SACM1L: variants seen among roughly 807,000 people sequenced by gnomAD.
SACM1L encodes SAC1 like phosphatidylinositide phosphatase.
SACM1L carries 32 observed loss-of-function variants against 89.5 expected under a neutral mutation model. The observed-to-expected ratio is 0.36, with a 90% confidence interval of 0.27 to 0.48. The LOEUF (loss-of-function observed/expected upper bound fraction) is 0.48, where lower values mean the gene tolerates loss of function less well. SACM1L is among the 20% of genes least tolerant of loss of function. SACM1L has a pLI of 0.99. For synonymous variants in SACM1L, 213 were observed against 232.8 expected, an observed-to-expected ratio of 0.92 and a Z score of 0.77; for missense variants, 543 against 708.5, an observed-to-expected ratio of 0.77 and a Z score of 2.65.
intron 1 of SACM1L, among the ~76,000 whole-genome samples, chr3:45,693,311 C>T (rs1432702686): frequency 2.0e-5 from 3 of 152,174 alleles, no homozygotes; most frequent in African/African-American, 4.8e-5. Flanking sequence ...CTCTAGTCCT[C>T]CTCAGTACCT....
At chr3:45,724,422 A>G (rs763034898) in intron 11 of SACM1L, among the ~76,000 whole-genome samples, 22 of 151,860 alleles carry the variant, frequency 1.4e-4, no homozygotes, top group Non-Finnish European at 2.9e-5. Flanking sequence ...GCATCTTTGC[A>G]TGTGCTCATT....
rs151325040 is a variant in SACM1L at position 45,709,543 on chromosome 3, A to G, written c.379A>G (p.Asn127Asp). ...CCTAGCGATGCTAAACCATGTCTTG[A>G]ATGTGGATGGATTTTACTTTTCAAC... Reference protein sequence around the residue: ...TFLAMLNHVLNVDGFYFSTTY... With the variant: ...TFLAMLNHVLDVDGFYFSTTY... Residue 127 changes from asparagine (N) to aspartate (D), a missense_variant, in exon 5 of 20, where the codon AAT becomes GAT. Around this residue, in one of 2 missense-constraint regions of SACM1L, gnomAD observed 173 missense variants for 180.9 expected, o/e 0.96. Coordinates refer to ENST00000389061, the MANE Select transcript of SACM1L (RefSeq NM_014016.5). 1 of 1,613,780 alleles carries G rather than the reference A, an allele frequency of 6.2e-7. No individual in the cohort carries two copies. The highest frequency in any genetic ancestry group is 1.3e-5 in the African/African-American group (1 of 75,022).
At position 45,689,546 on chromosome 3, in the gene SACM1L, G is replaced by T. The variant is rs1210523886; in HGVS notation, c.32+49G>T. The T allele has an allele frequency of 2.6e-6, 4 of 1,545,880 alleles. No homozygotes were observed. The East Asian group carries it at 7.3e-5, about 28-fold the overall frequency. ...TGAGGCGCGGCGGGCGGGGCGGCAG[G>T]TGCGGGCCCTGGCCTCGGGGAGGGC... On this transcript the variant is annotated intron_variant, in intron 1 of 19. Coordinates refer to ENST00000389061, the MANE Select transcript of SACM1L (RefSeq NM_014016.5).
chr3:45,733,385 T>C (rs1559550917), intron 13 of SACM1L, among the ~76,000 whole-genome samples: 1 of 152,236 alleles, frequency 6.6e-6, no homozygotes, highest in African/African-American at 2.4e-5. Flanking sequence ...CTTCGGTTTC[T>C]TCATTTGTAA....
At chr3:45,713,244 T>C (rs985700132) in intron 6 of SACM1L, 48 bp downstream of exon 6, 1 of 1,382,860 alleles carries the variant, frequency 7.2e-7, no homozygotes, top group Non-Finnish European at 1.0e-6. Flanking sequence ...GTCCAAGCTT[T>C]AATTCAATGC....
intron 1 of SACM1L, among the ~76,000 whole-genome samples, chr3:45,693,055 C>T (rs996869208): frequency 6.6e-6 from 1 of 152,188 alleles, no homozygotes; most frequent in African/African-American, 2.4e-5. Context: ...ATGGAATAGC[C>T]AGTTGTTCCT....
chr3:45,739,730 T>G, intron 19 of SACM1L, 86 bp downstream of exon 19: 1 of 1,211,800 alleles, frequency 8.3e-7, no homozygotes, highest in Non-Finnish European at 1.2e-6. Flanking sequence ...CACCGAACAC[T>G]TGATGTTTCC....
rs1278725291 is a variant in SACM1L at position 45,716,911 on chromosome 3, A to T, written c.578-2589A>T. Reference sequence around the variant, plus strand: ...TTTCTGGATTCTCTAAAGTGTGTAGATGTTTTTGTCTTGTAATCAGAGGAA... The same window carrying T: ...TTTCTGGATTCTCTAAAGTGTGTAGTTGTTTTTGTCTTGTAATCAGAGGAA... On this transcript the variant is annotated intron_variant, in intron 7 of 19. Coordinates refer to ENST00000389061, the MANE Select transcript of SACM1L (RefSeq NM_014016.5). 2.0e-5 allele frequency among the ~76,000 whole-genome samples: 3 copies of T among 152,210 alleles called. No individual in the cohort carries two copies. The East Asian group carries it at 5.8e-4, about 29-fold the overall frequency.
intron 11 of SACM1L, among the ~76,000 whole-genome samples, chr3:45,727,875 G>T (rs1478487119): frequency 6.6e-6 from 1 of 152,164 alleles, no homozygotes; most frequent in African/African-American, 2.4e-5. Flanking sequence ...GATTACAGGC[G>T]TGAGCCACTG....
intron 1 of SACM1L, among the ~76,000 whole-genome samples, chr3:45,702,259 T>C (rs1698292859): frequency 6.6e-6 from 1 of 152,244 alleles, no homozygotes; most frequent in South Asian, 2.1e-4. Flanking sequence ...AGGACATTTT[T>C]CTATAATGCC....
intron 1 of SACM1L, among the ~76,000 whole-genome samples, chr3:45,694,082 C>T (rs1262719893): frequency 1.3e-5 from 2 of 152,138 alleles, no homozygotes; most frequent in African/African-American, 2.4e-5. Context: ...TTCTTAGGCC[C>T]CTCAGACCTC....
chr3:45,737,443 C>T, intron 14 of SACM1L, 140 bp from the exon 15 acceptor site: 3 of 837,396 alleles, frequency 3.6e-6, no homozygotes, highest in Non-Finnish European at 5.9e-6. Flanking sequence ...GAGCTGGGGC[C>T]CCCTATAGAC....
intron 5 of SACM1L, among the ~76,000 whole-genome samples, chr3:45,710,326 A>G (rs1698496844): frequency 6.6e-6 from 1 of 150,980 alleles, no homozygotes; most frequent in Admixed American, 6.6e-5. Context: ...TCAGCCTTGT[A>G]GGTAGCTGCA....
At chr3:45,710,491 C>T (rs1210071540) in intron 5 of SACM1L, among the ~76,000 whole-genome samples, 12 of 136,788 alleles carry the variant, frequency 8.8e-5, no homozygotes, top group African/African-American at 3.3e-4. Flanking sequence ...CTGTGCCTGC[C>T]CAGTCTGCCT....
At chr3:45,728,035 ATGT>A (rs937533733) in intron 11 of SACM1L, among the ~76,000 whole-genome samples, 3 of 152,204 alleles carry the variant, frequency 2.0e-5, no homozygotes, top group African/African-American at 7.2e-5. Flanking sequence ...TCAATAAACA[ATGT>A]TCTTTTTTTG....
chr3:45,740,782 A>G (rs1432622262), intron 19 of SACM1L, among the ~76,000 whole-genome samples: 1 of 152,112 alleles, frequency 6.6e-6, no homozygotes, highest in Non-Finnish European at 1.5e-5. Flanking sequence ...ACTGAGCAGT[A>G]TGTTTTCCCA....
intron 8 of SACM1L, among the ~76,000 whole-genome samples, chr3:45,720,340 T>G (rs1242305733): frequency 6.6e-6 from 1 of 152,224 alleles, no homozygotes; most frequent in Non-Finnish European, 1.5e-5. Flanking sequence ...GATTAAATTT[T>G]TGAACAGGTA....
intron 13 of SACM1L, 121 bp from the exon 14 acceptor site, chr3:45,735,114 C>G: frequency 1.0e-6 from 1 of 979,180 alleles, no homozygotes; most frequent in Non-Finnish European, 1.5e-6. Flanking sequence ...ACATTCCTGT[C>G]TGACCTTTTA....
At chr3:45,726,869 C>CTTTT (rs1158423503) in intron 11 of SACM1L, among the ~76,000 whole-genome samples, 5 of 52,346 alleles carry the variant, frequency 9.6e-5, no homozygotes, top group South Asian at 4.8e-4. Flanking sequence ...TGCTTTATTT[C>CTTTT]TTTTTTTTTT....
Sources: allele counts gnomAD v4.1 joint callset (sites outside exome capture counted in the v4.1 genomes callset), GRCh38; gene constraint gnomAD v4.1.1; regional missense constraint gnomAD v4.1.1; transcripts MANE v1.5; gene names NCBI Gene and HGNC (gene_info 2026-07-23, HGNC 2026-07-21).